TM4SF18: variants seen among roughly 807,000 people sequenced by gnomAD.
TM4SF18 encodes transmembrane 4 L6 family member 18.
In TM4SF18, 22 loss-of-function variants were observed where a neutral mutation model predicts 23.8. The observed-to-expected ratio is 0.92, with a 90% confidence interval of 0.66 to 1.32. The LOEUF is 1.32. Among genes scored for constraint, TM4SF18 ranks in the 40% most tolerant of loss-of-function variants. TM4SF18 has a pLI of 0.00. For missense variants in TM4SF18, 255 were observed against 240.3 expected (o/e 1.06, Z -0.41); for synonymous variants, 87 against 87.9 (o/e 0.99, Z 0.06).
intron 5 of TM4SF18, 55 bp from the exon 6 acceptor site, chr3:149,321,547 G>T: frequency 8.5e-7 from 1 of 1,176,292 alleles, no homozygotes; most frequent in Non-Finnish European, 1.2e-6. Context: ...GGCTTGATTA[G>T]TAATCCGTAA....
intron 3 of TM4SF18, among the ~76,000 whole-genome samples, chr3:149,325,997 C>A (rs1299008171): frequency 6.6e-6 from 1 of 151,898 alleles, no homozygotes; most frequent in African/African-American, 2.4e-5. Context: ...ATATGTACAC[C>A]TGTACATATA....
intron 3 of TM4SF18, among the ~76,000 whole-genome samples, chr3:149,325,952 CTGTG>C (rs1001388078): frequency 1.3e-5 from 2 of 152,076 alleles, no homozygotes; most frequent in African/African-American, 2.4e-5. Context: ...CTCTCTTTCT[CTGTG>C]TGTATGTGTG....
chr3:149,329,491 T>A (rs1731042425), intron 3 of TM4SF18, among the ~76,000 whole-genome samples: 1 of 152,164 alleles, frequency 6.6e-6, no homozygotes, highest in South Asian at 2.1e-4. Flanking sequence ...CTACCAGATA[T>A]CATCATAAAA....
chr3:149,326,277 G>A (rs560060020), intron 3 of TM4SF18, among the ~76,000 whole-genome samples: 1 of 152,174 alleles, frequency 6.6e-6, no homozygotes, highest in Non-Finnish European at 1.5e-5. Context: ...CAGTTGTCTT[G>A]TAGATGTCTC....
intron 2 of TM4SF18, among the ~76,000 whole-genome samples, chr3:149,331,716 C>T (rs1293682941): frequency 6.6e-6 from 1 of 152,162 alleles, no homozygotes; most frequent in Non-Finnish European, 1.5e-5. Flanking sequence ...AGGTAAAGTA[C>T]ACATAATTCC....
chr3:149,328,963 A>T (rs1025787929), intron 3 of TM4SF18, among the ~76,000 whole-genome samples: 2 of 152,202 alleles, frequency 1.3e-5, no homozygotes, highest in African/African-American at 4.8e-5. Context: ...AGAAGTGCTA[A>T]TAGTGAGTTA....
chr3:149,332,241 A>C (rs993381189), intron 2 of TM4SF18, among the ~76,000 whole-genome samples: 2 of 152,218 alleles, frequency 1.3e-5, no homozygotes, highest in Non-Finnish European at 2.9e-5. Flanking sequence ...ATGAATAACT[A>C]AATGAAAATT....
intron 2 of TM4SF18, among the ~76,000 whole-genome samples, chr3:149,331,026 A>C (rs991994406): frequency 6.6e-6 from 1 of 152,104 alleles, no homozygotes; most frequent in Non-Finnish European, 1.5e-5. Flanking sequence ...TTTAAATTTT[A>C]TTTTAGGCAA....
At chr3:149,321,604 A>G (rs1237417278) in intron 5 of TM4SF18, 112 bp from the exon 6 acceptor site, 2 of 619,484 alleles carry the variant, frequency 3.2e-6, no homozygotes, top group East Asian at 5.9e-5. Context: ...AATATGATAG[A>G]ACAGAAAAAA....
chr3:149,333,482 C>CTT (rs1553772228), intron 1 of TM4SF18, 31 bp downstream of exon 1: 181 of 237,256 alleles, frequency 7.6e-4, no homozygotes, highest in Middle Eastern at 2.2e-3. Context: ...CTCTCTCTCT[C>CTT]TTTTTTTTTT....
intron 4 of TM4SF18, 57 bp downstream of exon 4, chr3:149,324,823 A>G (rs1730897165): frequency 3.7e-6 from 6 of 1,604,930 alleles, no homozygotes; most frequent in Non-Finnish European, 4.3e-6. Context: ...GAGCTTGAGC[A>G]TGAGGCAAGG....
At position 149,321,465 on chromosome 3, in the gene TM4SF18, AT is replaced by A; in HGVS notation, c.*12del. 6.4e-7 allele frequency: 1 copy of A among 1,569,138 alleles called. No individual in the cohort carries two copies. The highest frequency in any genetic ancestry group is 8.7e-7 in the Non-Finnish European group (1 of 1,150,826). ...TGGCCATGTCTTGATAATGGAAAAC[AT>A]TTTGTCCTTATTCAAATGATTCCAG... On this transcript the variant is annotated 3_prime_UTR_variant, in exon 6 of 6. Transcript: ENST00000296059.
chr3:149,323,707 CAT>C (rs1423603245), intron 4 of TM4SF18, among the ~76,000 whole-genome samples: 2 of 152,262 alleles, frequency 1.3e-5, no homozygotes, highest in Admixed American at 6.5e-5. Flanking sequence ...GATTGTAAAA[CAT>C]GTGGTTTGAA....
intron 2 of TM4SF18, 103 bp downstream of exon 2, chr3:149,333,103 A>G: frequency 8.5e-7 from 1 of 1,170,664 alleles, no homozygotes; most frequent in Non-Finnish European, 1.2e-6. Context: ...TACACCCAAG[A>G]TTAGCAGAAT....
rs531953664 is a variant in TM4SF18, at chr3:149,319,574, A to C, written c.*1904T>G. 6 of 152,342 alleles carry C rather than the reference A, an allele frequency of 3.9e-5. No homozygotes were observed. Among genetic ancestry groups the C allele is most frequent in the African/African-American group, 1.4e-4 (6 of 41,572 alleles). The allele number at this position is 152,342 out of a possible 1,614,324, so 9.4% of individuals were successfully genotyped here. A position where few individuals can be genotyped will look rare whatever the true frequency, so the allele number is the denominator to read the frequency against. On this transcript the variant is annotated 3_prime_UTR_variant, in exon 6 of 6. Transcript: ENST00000296059. ...GCTGCACTGATTTAGTCGGGGGTTTACTGAAATGATCAGCACAGTGACAAA... is the reference window on the plus strand; with the variant it reads ...GCTGCACTGATTTAGTCGGGGGTTTCCTGAAATGATCAGCACAGTGACAAA...
At chr3:149,323,927 C>G (rs1441508133) in intron 4 of TM4SF18, among the ~76,000 whole-genome samples, 3 of 152,064 alleles carry the variant, frequency 2.0e-5, no homozygotes. Context: ...GTATATGGCA[C>G]CATGTAAAAA....
intron 4 of TM4SF18, among the ~76,000 whole-genome samples, chr3:149,322,905 C>CTTTTTTTTTTTTTT (rs34338382): frequency 2.3e-5 from 3 of 128,766 alleles, no homozygotes; most frequent in Non-Finnish European, 3.4e-5. Flanking sequence ...GGCCTCCAGA[C>CTTTTTTTTTTTTTT]TTTTTTTTTT....
intron 4 of TM4SF18, among the ~76,000 whole-genome samples, chr3:149,324,237 G>A (rs1730881762): frequency 6.6e-6 from 1 of 152,072 alleles, no homozygotes; most frequent in Non-Finnish European, 1.5e-5. Context: ...TCCGGGATTG[G>A]GTTGTGAGAC....
chr3:149,322,467 C>T, intron 4 of TM4SF18, 31 bp from the exon 5 acceptor site: 1 of 1,591,964 alleles, frequency 6.3e-7, no homozygotes, highest in Non-Finnish European at 8.6e-7. Context: ...AATCTACATA[C>T]TGGGTCCAAG....
Sources: gnomAD v4.1 joint callset for allele counts (sites outside exome capture counted in the v4.1 genomes callset) on GRCh38, gnomAD v4.1.1 for gene constraint, MANE v1.5 for transcripts, NCBI Gene and HGNC (gene_info 2026-07-23, HGNC 2026-07-21) for gene names.